The following SHANK2 variants were observed in gnomAD, a reference collection of about 807,000 sequenced individuals.
The protein encoded by SHANK2 is SH3 and multiple ankyrin repeat domains protein 2.
A neutral mutation model predicts 133.7 loss-of-function variants in SHANK2; 43 were observed. The ratio of observed to expected loss-of-function variants is 0.32; its 90% confidence interval spans 0.25 to 0.41. SHANK2 has a LOEUF of 0.41. SHANK2 is among the 10% of genes least tolerant of loss of function. SHANK2 has a pLI of 1.00. For missense variants in SHANK2, 1,994 were observed against 2,235.8 expected, an observed-to-expected ratio of 0.89 and a Z score of 2.18; for synonymous variants, 1,017 against 952.8, an observed-to-expected ratio of 1.07 and a Z score of -1.24.
intron 14 of SHANK2, among the ~76,000 whole-genome samples, chr11:70,747,761 G>A (rs1329104377): frequency 2.6e-5 from 4 of 152,226 alleles, no homozygotes; most frequent in Non-Finnish European, 5.9e-5. Flanking sequence ...AGGCACGTGT[G>A]TGCATGTATG....
chr11:70,598,939 A>AG (rs2060437600), intron 17 of SHANK2, among the ~76,000 whole-genome samples: 1 of 151,672 alleles, frequency 6.6e-6, no homozygotes, highest in African/African-American at 2.4e-5. Context: ...AAAAAAAAAA[A>AG]AAAGACTAGA....
At chr11:70,602,350 G>C (rs1205735956) in intron 17 of SHANK2, among the ~76,000 whole-genome samples, 1 of 152,222 alleles carries the variant, frequency 6.6e-6, no homozygotes, top group African/African-American at 2.4e-5. Flanking sequence ...CTGCAGAGAG[G>C]TCTCGGCCTC....
chr11:71,094,451 A>G lies in SHANK2; in HGVS notation c.744+86T>C, dbSNP rs1590904967. The G allele has an allele frequency of 5.2e-6, 7 of 1,348,506 alleles. No homozygotes were observed. The East Asian group carries it at 1.8e-4, about 34-fold the overall frequency. 83.5% of individuals were successfully genotyped at this position (1,348,506 alleles called of 1,614,324 possible). A position where few individuals can be genotyped will look rare whatever the true frequency, so the allele number is the denominator to read the frequency against. On this transcript the variant is annotated intron_variant, in intron 7 of 25. Transcript: ENST00000601538. ...CCGGAACACTGTGCACGGACCCCCT[A>G]GGATGGGCACTGCGGGGATGGGATG...
chr11:71,133,799 A>C (rs1555104209), intron 3 of SHANK2, among the ~76,000 whole-genome samples: 3 of 152,214 alleles, frequency 2.0e-5, no homozygotes, highest in African/African-American at 7.2e-5. Context: ...TCAAGGCAAC[A>C]TATACCTAAA....
intron 2 of SHANK2, among the ~76,000 whole-genome samples, chr11:71,191,736 T>G (rs915044149): frequency 6.6e-6 from 1 of 152,142 alleles, no homozygotes; most frequent in African/African-American, 2.4e-5. Context: ...TTTTTGTATT[T>G]GTAATAGAGA....
intron 17 of SHANK2, among the ~76,000 whole-genome samples, chr11:70,562,182 C>G (rs1340608392): frequency 6.6e-6 from 1 of 152,124 alleles, no homozygotes; most frequent in Non-Finnish European, 1.5e-5. Flanking sequence ...TTGAATAGTT[C>G]CAAATTTATT....
At chr11:70,619,392 A>T (rs1419469356) in intron 17 of SHANK2, among the ~76,000 whole-genome samples, 2 of 151,454 alleles carry the variant, frequency 1.3e-5, no homozygotes, top group East Asian at 2.0e-4. Context: ...AGGGTTCATT[A>T]CTCCAAGTTC....
intron 2 of SHANK2, among the ~76,000 whole-genome samples, chr11:71,216,714 C>T (rs1480776628): frequency 1.1e-4 from 16 of 152,244 alleles, no homozygotes; most frequent in Admixed American, 3.9e-4. Flanking sequence ...GCCCCAGGGA[C>T]GTCGTAGCTC....
In SHANK2 at chr11:71,092,407, A is replaced by G. The variant is rs1440067162; in HGVS notation, c.912+15T>C. On this transcript the variant is annotated intron_variant, in intron 8 of 25. Transcript: ENST00000601538. ...GTTCGTGGGTACAACAGAGTGGAGAAGCGGGCCCACGTACCTGGTGGATCT... is the reference window on the plus strand; with the variant it reads ...GTTCGTGGGTACAACAGAGTGGAGAGGCGGGCCCACGTACCTGGTGGATCT... 1.3e-6 allele frequency: 2 copies of G among 1,550,944 alleles called. No individual in the cohort carries two copies. Among genetic ancestry groups the G allele is most frequent in the East Asian group, 4.9e-5 (2 of 40,902 alleles).
At chr11:70,624,639 C>G (rs1469127975) in intron 17 of SHANK2, among the ~76,000 whole-genome samples, 1 of 152,144 alleles carries the variant, frequency 6.6e-6, no homozygotes. Context: ...GAGGAGGAAC[C>G]AGGGAACCAC....
intron 15 of SHANK2, among the ~76,000 whole-genome samples, chr11:70,671,525 G>A (rs1310398583): frequency 1.3e-5 from 2 of 152,228 alleles, no homozygotes; most frequent in Non-Finnish European, 2.9e-5. Flanking sequence ...CTATTAGCAT[G>A]TGAGAATGCA....
chr11:70,708,097 G>A (rs1164895394), intron 14 of SHANK2, among the ~76,000 whole-genome samples: 4 of 152,226 alleles, frequency 2.6e-5, no homozygotes, highest in African/African-American at 9.6e-5. Context: ...CCTGCCTTCT[G>A]CCCTCGATGA....
chr11:70,546,820 G>C (rs2059701999), intron 17 of SHANK2, among the ~76,000 whole-genome samples: 2 of 152,202 alleles, frequency 1.3e-5, no homozygotes, highest in African/African-American at 4.8e-5. Context: ...GGTTCCTCCA[G>C]CTGCAGAACC....
intron 14 of SHANK2, among the ~76,000 whole-genome samples, chr11:70,760,715 A>G (rs1185572219): frequency 6.6e-6 from 1 of 152,198 alleles, no homozygotes; most frequent in African/African-American, 2.4e-5. Flanking sequence ...TCCCCTGAGC[A>G]TTGCACACCT....
At chr11:70,748,312 C>T (rs1946684985) in intron 14 of SHANK2, among the ~76,000 whole-genome samples, 5 of 152,144 alleles carry the variant, frequency 3.3e-5, no homozygotes, top group Admixed American at 3.3e-4. Flanking sequence ...CCGCAGGTCC[C>T]CCATGGATGG....
chr11:70,471,262 A>C lies in SHANK2; in HGVS notation c.*1607T>G. On this transcript the variant is annotated 3_prime_UTR_variant, in exon 26 of 26. Coordinates refer to ENST00000601538, the MANE Select transcript of SHANK2 (RefSeq NM_012309.5). The surrounding 1 kb of genome is among the most constrained non-coding windows in gnomAD (Gnocchi z 4.1). ...TGTTCCAGACCTAATCAAGAAAAAAAGGAAAAAAAAAAAACAAAACCATGT... is the reference window on the plus strand; with the variant it reads ...TGTTCCAGACCTAATCAAGAAAAAACGGAAAAAAAAAAAACAAAACCATGT... The C allele has an allele frequency of 2.5e-6, 1 of 398,362 alleles. No homozygotes were observed. Among genetic ancestry groups the C allele is most frequent in the Non-Finnish European group, 4.4e-6 (1 of 225,840 alleles). The allele number at this position is 398,362 out of a possible 1,614,324, so 24.7% of individuals were successfully genotyped here.
At chr11:71,144,223 C>A (rs782786372) in intron 3 of SHANK2, among the ~76,000 whole-genome samples, 1 of 152,178 alleles carries the variant, frequency 6.6e-6, no homozygotes, top group African/African-American at 2.4e-5. Flanking sequence ...TGTGCGCATG[C>A]GTGCACCCAT....
rs562681068 is a variant in SHANK2, at chr11:70,613,549, TG to T, written c.2061+46278del. 6.6e-5 allele frequency among the ~76,000 whole-genome samples: 10 copies of T among 152,180 alleles called. No individual in the cohort carries two copies. In the South Asian group the frequency reaches 1.0e-3, roughly 16 times the overall value. ...CAAAGTGTAGAAACTCAAAAGGCTC[TG>T]GAAGACCTGGCCATGTGCAGCAGTG... On this transcript the variant is annotated intron_variant, in intron 17 of 25. Coordinates refer to ENST00000601538, the MANE Select transcript of SHANK2 (RefSeq NM_012309.5).
chr11:70,835,718 G>A (rs765065161), intron 11 of SHANK2, among the ~76,000 whole-genome samples: 2 of 152,194 alleles, frequency 1.3e-5, no homozygotes, highest in African/African-American at 2.4e-5. Context: ...TCTGAGCTTG[G>A]TGGTGGAAGA....
Sources: allele counts gnomAD v4.1 joint callset (sites outside exome capture counted in the v4.1 genomes callset), GRCh38; gene constraint gnomAD v4.1.1; non-coding constraint Gnocchi (gnomAD v3.1); transcripts MANE v1.5; gene names NCBI Gene and HGNC (gene_info 2026-07-23, HGNC 2026-07-21).